The following IQGAP1 variants were observed in gnomAD, a reference collection of about 807,000 sequenced individuals.
IQGAP1 encodes the protein IQ motif containing GTPase activating protein 1.
IQGAP1 carries 66 observed loss-of-function variants against 215.6 expected under a neutral mutation model. The observed-to-expected ratio is 0.31, with a 90% confidence interval of 0.25 to 0.38. The LOEUF is 0.38. IQGAP1 is among the 10% of genes least tolerant of loss of function. The pLI is 1.00. For synonymous variants in IQGAP1, 772 were observed against 728.7 expected, an observed-to-expected ratio of 1.06 and a Z score of -0.96; for missense variants, 1,712 against 1,997.1, an observed-to-expected ratio of 0.86 and a Z score of 2.72.
At chr15:90,388,591 G>A (rs900401782) in intron 1 of IQGAP1, among the ~76,000 whole-genome samples, 195 bp downstream of exon 1, 1 of 152,084 alleles carries the variant, frequency 6.6e-6, no homozygotes, top group Non-Finnish European at 1.5e-5. Flanking sequence ...GGTCCGAGGC[G>A]GCGGAGAGGA....
At chr15:90,484,398 T>C (rs776247835) in intron 30 of IQGAP1, 46 bp downstream of exon 30, 18 of 1,509,700 alleles carry the variant, frequency 1.2e-5, no homozygotes, top group Non-Finnish European at 1.3e-5. Context: ...CCTTAATTAT[T>C]ATCCCTGGCT....
chr15:90,443,798 A>T (rs1281521636), intron 9 of IQGAP1, among the ~76,000 whole-genome samples: 1 of 152,170 alleles, frequency 6.6e-6, no homozygotes, highest in South Asian at 2.1e-4. Flanking sequence ...CCCAGCACTT[A>T]CATATCTGTA....
intron 2 of IQGAP1, among the ~76,000 whole-genome samples, chr15:90,399,381 GTAT>G (rs1484709078): frequency 3.3e-5 from 5 of 152,024 alleles, no homozygotes; most frequent in Non-Finnish European, 7.4e-5. Flanking sequence ...TTGTTTATCA[GTAT>G]TATTTTCTTA....
chr15:90,453,352 A>G (rs1427597146), intron 13 of IQGAP1, 60 bp downstream of exon 13: 6 of 1,305,552 alleles, frequency 4.6e-6, no homozygotes, highest in Non-Finnish European at 6.3e-6. Flanking sequence ...TGTCTTTTGT[A>G]TGTCAGTGCT....
At chr15:90,475,251 AG>A (rs1567138589) in intron 23 of IQGAP1, among the ~76,000 whole-genome samples, 1 of 151,922 alleles carries the variant, frequency 6.6e-6, no homozygotes, top group Non-Finnish European at 1.5e-5. Flanking sequence ...CACCCGCCTC[AG>A]CCTCCCAAAG....
At position 90,492,598 on chromosome 15, in the gene IQGAP1, A is replaced by G. The variant is rs1424597125; in HGVS notation, c.4515A>G (p.Lys1505=). ...YRQRRKAELV[K]LQQTYAALNS... is the part of the protein sequence containing the mutation. Reference sequence around the variant, plus strand: ...AGAGGAGAAAGGCCGAACTAGTGAAACTGCAACAGACATACGCTGCTCTGA... The same window carrying G: ...AGAGGAGAAAGGCCGAACTAGTGAAGCTGCAACAGACATACGCTGCTCTGA... The change falls in exon 35 of 38, where the codon AAA becomes AAG. Residue 1505 remains lysine (K), a synonymous_variant. Transcript: ENST00000268182. 1 of 1,613,732 alleles carries G rather than the reference A, an allele frequency of 6.2e-7. No individual in the cohort carries two copies. Among genetic ancestry groups the G allele is most frequent in the East Asian group, 2.2e-5 (1 of 44,876 alleles).
chr15:90,497,443 T>A (rs558367847), intron 37 of IQGAP1, 103 bp downstream of exon 37: 30 of 663,622 alleles, frequency 4.5e-5, no homozygotes, highest in African/African-American at 2.7e-4. Context: ...GCTGTCTACA[T>A]TCAGCAGTGA....
At chr15:90,424,283 ATAGAG>A (rs1270791541) in intron 2 of IQGAP1, among the ~76,000 whole-genome samples, 1 of 152,186 alleles carries the variant, frequency 6.6e-6, no homozygotes, top group Non-Finnish European at 1.5e-5. Context: ...TTTAGGCTGA[ATAGAG>A]GTATAGTTTA....
intron 5 of IQGAP1, among the ~76,000 whole-genome samples, chr15:90,434,454 A>C (rs191715085): frequency 5.1e-4 from 77 of 151,960 alleles, no homozygotes; most frequent in African/African-American, 1.4e-3. Context: ...AAATAATAAT[A>C]ATCATAATAA....
chr15:90,392,496 G>A (rs1378078732), intron 2 of IQGAP1, among the ~76,000 whole-genome samples: 2 of 152,128 alleles, frequency 1.3e-5, no homozygotes, highest in East Asian at 3.8e-4. Context: ...GGTGACCTGG[G>A]GGTGAGAGGG....
In IQGAP1 at chr15:90,494,767, G is replaced by A; in HGVS notation, c.4683G>A (p.Leu1561=). 2 of 1,608,980 alleles carry A rather than the reference G, an allele frequency of 1.2e-6. No individual in the cohort carries two copies. The highest frequency in any genetic ancestry group is 1.7e-6 in the Non-Finnish European group (2 of 1,176,462). ...GAAAGAAAAGCAAAAAGATTTCTCT[G>A]AAATATACAGCAGCAAGACTACATG... ...MKGKKSKKIS[L]KYTAARLHEK... Residue 1561 remains leucine (L), a synonymous_variant, in exon 36 of 38, where the codon CTG becomes CTA. Transcript: ENST00000268182.
intron 30 of IQGAP1, among the ~76,000 whole-genome samples, chr15:90,484,745 A>G (rs745446560): frequency 4.6e-5 from 7 of 151,982 alleles, no homozygotes; most frequent in African/African-American, 7.3e-5. Context: ...TCCTGACCTC[A>G]TGATCTGCCC....
intron 2 of IQGAP1, among the ~76,000 whole-genome samples, chr15:90,413,918 G>A (rs1046162675): frequency 6.6e-6 from 1 of 152,138 alleles, no homozygotes; most frequent in Admixed American, 6.5e-5. Context: ...GGGAGGAAGT[G>A]GGGTATATTC....
intron 11 of IQGAP1, 67 bp from the exon 12 acceptor site, chr15:90,452,703 TGAAGA>T: frequency 6.7e-7 from 1 of 1,495,172 alleles, no homozygotes. Flanking sequence ...ATTTTTCCCA[TGAAGA>T]TTGGCACCTT....
At position 90,405,765 on chromosome 15, in the gene IQGAP1, C is replaced by G. The variant is rs567044027; in HGVS notation, c.155+14892C>G. 6.0e-4 allele frequency among the ~76,000 whole-genome samples: 87 copies of G among 145,996 alleles called. 2 individuals are homozygous for G. The South Asian group carries it at 0.018, about 30-fold the overall frequency. On this transcript the variant is annotated intron_variant, in intron 2 of 37. Transcript: ENST00000268182. ...AGGTTTTTTTTTTTTTTCTGGTTTG[C>G]GAACACTTTTTTTTCTATCAGTTAC...
chr15:90,435,103 A>G (rs567643075), intron 5 of IQGAP1, among the ~76,000 whole-genome samples: 2 of 152,320 alleles, frequency 1.3e-5, no homozygotes, highest in South Asian at 4.1e-4. Flanking sequence ...TATCATTGGA[A>G]TCAGTGTGAA....
At chr15:90,400,329 T>G (rs987267507) in intron 2 of IQGAP1, among the ~76,000 whole-genome samples, 1 of 152,242 alleles carries the variant, frequency 6.6e-6, no homozygotes, top group Admixed American at 6.5e-5. Context: ...TTCTACAGTC[T>G]TGATATTTTT....
chr15:90,474,720 TGGAAC>T, intron 23 of IQGAP1, 27 bp downstream of exon 23: 1 of 1,541,546 alleles, frequency 6.5e-7, no homozygotes, highest in East Asian at 2.2e-5. Flanking sequence ...GCGGGGGCCT[TGGAAC>T]GGTTCATCCT....
At chr15:90,471,513 T>TA (rs1965904515) in intron 18 of IQGAP1, among the ~76,000 whole-genome samples, 3 of 152,050 alleles carry the variant, frequency 2.0e-5, no homozygotes, top group African/African-American at 7.3e-5. Flanking sequence ...TTTTTTTTTT[T>TA]TTTGAAGCGG....
Sources: allele counts gnomAD v4.1 joint callset (sites outside exome capture counted in the v4.1 genomes callset), GRCh38; gene constraint gnomAD v4.1.1; transcripts MANE v1.5; gene names NCBI Gene and HGNC (gene_info 2026-07-23, HGNC 2026-07-21).